INPP5A: variants seen among roughly 807,000 people sequenced by gnomAD.
INPP5A encodes the protein 43 kDa inositol polyphosphate 5-phophatase.
INPP5A carries 14 observed loss-of-function variants against 65.2 expected under a neutral mutation model. The ratio of observed to expected loss-of-function variants is 0.21; its 90% CI spans 0.14 to 0.34. The LOEUF is 0.34. Among genes scored for constraint, INPP5A ranks in the 10% least tolerant of loss-of-function variants. INPP5A has a pLI of 1.00. For missense variants in INPP5A, 431 were observed against 545.6 expected (o/e 0.79, Z 2.09); for synonymous variants, 207 against 208.3 (o/e 0.99, Z 0.05).
intron 8 of INPP5A, among the ~76,000 whole-genome samples, chr10:132,714,387 T>A (rs1845703434): frequency 6.6e-6 from 1 of 152,226 alleles, no homozygotes; most frequent in Non-Finnish European, 1.5e-5. Flanking sequence ...GACCACATTC[T>A]GCTGTGCGGA....
At chr10:132,569,926 A>G (rs1176389795) in intron 1 of INPP5A, among the ~76,000 whole-genome samples, 2 of 146,742 alleles carry the variant, frequency 1.4e-5, no homozygotes, top group Non-Finnish European at 3.0e-5. Flanking sequence ...TGCTGGGATT[A>G]CAGGTGTGAG....
chr10:132,572,957 G>T (rs576055844), intron 1 of INPP5A, among the ~76,000 whole-genome samples: 1 of 152,102 alleles, frequency 6.6e-6, no homozygotes, highest in Admixed American at 6.5e-5. Flanking sequence ...TTGTTGAGAT[G>T]TTGGGGTGTA....
At chr10:132,779,472 G>A (rs1249587197) in intron 13 of INPP5A, among the ~76,000 whole-genome samples, 1 of 152,286 alleles carries the variant, frequency 6.6e-6, no homozygotes, top group Non-Finnish European at 1.5e-5. Context: ...TGGCAGGGCT[G>A]TGGCCTCCCC....
chr10:132,571,718 C>T (rs989013318), intron 1 of INPP5A, among the ~76,000 whole-genome samples: 3 of 152,208 alleles, frequency 2.0e-5, no homozygotes. Flanking sequence ...GCTGTAAGGA[C>T]CTCGAGTGTC....
intron 1 of INPP5A, among the ~76,000 whole-genome samples, chr10:132,542,417 G>T (rs1478961730): frequency 6.6e-6 from 1 of 151,948 alleles, no homozygotes; most frequent in Non-Finnish European, 1.5e-5. Context: ...GGTCAGTGGT[G>T]CAGGCTGGCG....
intron 1 of INPP5A, among the ~76,000 whole-genome samples, chr10:132,553,681 T>G (rs1007515256): frequency 7.1e-6 from 1 of 141,468 alleles, no homozygotes; most frequent in African/African-American, 2.7e-5. Context: ...GAATGCCTTC[T>G]CAGAGCCTTG....
chr10:132,636,886 G>T (rs748108599), intron 2 of INPP5A, among the ~76,000 whole-genome samples: 1 of 152,114 alleles, frequency 6.6e-6, no homozygotes, highest in Non-Finnish European at 1.5e-5. Flanking sequence ...GAAGAGACTG[G>T]TGCTGGTCCG....
rs969172199 is a variant in INPP5A at position 132,637,439 on chromosome 10, C to T, written c.118-8429C>T. Among the ~76,000 whole-genome samples, 2 of 152,066 alleles carry T rather than the reference C, an allele frequency of 1.3e-5. No individual in the cohort carries two copies. Among genetic ancestry groups the T allele is most frequent in the African/African-American group, 4.8e-5 (2 of 41,392 alleles). On this transcript the variant is annotated intron_variant, in intron 2 of 15. Coordinates refer to ENST00000368594, the MANE Select transcript of INPP5A (RefSeq NM_005539.5). The surrounding 1 kb of genome is among the most constrained non-coding windows in gnomAD (Gnocchi z 4.1). ...GGGTCTTTTTCTGTTTTGAAGTTTTCCTGGGTTATAGTTTTAAATGTTAGG... is the reference window on the plus strand; with the variant it reads ...GGGTCTTTTTCTGTTTTGAAGTTTTTCTGGGTTATAGTTTTAAATGTTAGG...
Position 132,742,473 on chromosome 10 carries a change from C to G in INPP5A, c.733-7044C>G, listed in dbSNP as rs533205488. Among the ~76,000 whole-genome samples, 6 of 152,314 alleles carry G rather than the reference C, an allele frequency of 3.9e-5. No homozygotes were observed. In the East Asian group the frequency reaches 7.7e-4, roughly 20 times the overall value. On this transcript the variant is annotated intron_variant, in intron 9 of 15. Transcript: ENST00000368594. ...TGAGCGAGAGGGCCACCCCCAGCTT[C>G]ACTCGCTGGCCGTTGGTCTCAGGTC...
chr10:132,726,333 C>T (rs1008497837), intron 8 of INPP5A, among the ~76,000 whole-genome samples: 2 of 152,230 alleles, frequency 1.3e-5, no homozygotes, highest in Non-Finnish European at 2.9e-5. Context: ...CGGTTCCTGC[C>T]GGTTCACCTG....
In INPP5A at chr10:132,549,739, C is replaced by G. The variant is rs955115242; in HGVS notation, c.75+11568C>G. ...CTCTGTGACACAGGTCGGGGCCACC[C>G]AGCCCAGCCTGGGTTCCTGCAGCCC... On this transcript the variant is annotated intron_variant, in intron 1 of 15. Transcript: ENST00000368594. This position sits in a 1 kb window ranked among gnomAD's most constrained non-coding sequence, Gnocchi z 4.9. Among the ~76,000 whole-genome samples the G allele has an allele frequency of 6.6e-6, 1 of 152,170 alleles. No individual in the cohort carries two copies. Among genetic ancestry groups the G allele is most frequent in the Non-Finnish European group, 1.5e-5 (1 of 68,036 alleles).
chr10:132,617,999 T>C lies in INPP5A; in HGVS notation c.117+10043T>C, dbSNP rs144509066. On this transcript the variant is annotated intron_variant, in intron 2 of 15. Coordinates refer to ENST00000368594, the MANE Select transcript of INPP5A (RefSeq NM_005539.5). ...GCTTCAGAATATTTTATGATATAGT[T>C]AGGCCTTAATTTTTTAAAGTTGTTT... Among the ~76,000 whole-genome samples, 58 of 152,352 alleles carry C rather than the reference T, an allele frequency of 3.8e-4. 1 individual carries two copies. The highest frequency in any genetic ancestry group is 1.4e-3 in the African/African-American group (58 of 41,570).
chr10:132,680,503 T>C (rs190489835), intron 4 of INPP5A, among the ~76,000 whole-genome samples: 7 of 152,382 alleles, frequency 4.6e-5, no homozygotes, highest in Admixed American at 1.3e-4. Context: ...GTGCTGGCAG[T>C]CCTCACAGCC....
chr10:132,585,699 A>G (rs1445081855), intron 1 of INPP5A, among the ~76,000 whole-genome samples: 2 of 152,242 alleles, frequency 1.3e-5, no homozygotes, highest in African/African-American at 4.8e-5. Flanking sequence ...GGAGCCTCAG[A>G]TACCACCATC....
chr10:132,723,724 G>T (rs1402860038), intron 8 of INPP5A, among the ~76,000 whole-genome samples: 2 of 152,088 alleles, frequency 1.3e-5, no homozygotes, highest in Non-Finnish European at 2.9e-5. Context: ...TTGTGGTCTC[G>T]CCTACACCTG....
chr10:132,625,868 G>T (rs1314647950), intron 2 of INPP5A, among the ~76,000 whole-genome samples: 1 of 150,672 alleles, frequency 6.6e-6, no homozygotes, highest in African/African-American at 2.5e-5. Context: ...GTGTGTGTGT[G>T]TGTGTGTGTT....
intron 1 of INPP5A, among the ~76,000 whole-genome samples, chr10:132,562,987 G>T (rs1418305782): frequency 6.6e-6 from 1 of 152,224 alleles, no homozygotes; most frequent in Non-Finnish European, 1.5e-5. Flanking sequence ...GAGGGCTTCA[G>T]GGAGGGTTGT....
At chr10:132,671,243 G>A (rs1277913391) in intron 4 of INPP5A, among the ~76,000 whole-genome samples, 3 of 152,114 alleles carry the variant, frequency 2.0e-5, no homozygotes, top group South Asian at 2.1e-4. Flanking sequence ...CCCTGGAGCC[G>A]TGGCCTCCCC....
rs1370211377 is a variant in INPP5A, at chr10:132,651,092, CA to C, written c.306+588del. Among the ~76,000 whole-genome samples, 1 of 152,292 alleles carries C rather than the reference CA, an allele frequency of 6.6e-6. No homozygotes were observed. Among genetic ancestry groups the C allele is most frequent in the East Asian group, 1.9e-4 (1 of 5,176 alleles). ...GGGTGGCCCTGGTGGACGTGGCAGCCACAGAGATACAGGCACCAGGTGTCTG... is the reference window on the plus strand; with the variant it reads ...GGGTGGCCCTGGTGGACGTGGCAGCCCAGAGATACAGGCACCAGGTGTCTG... On this transcript the variant is annotated intron_variant, in intron 4 of 15. Transcript: ENST00000368594. This position sits in a 1 kb window ranked among gnomAD's most constrained non-coding sequence, Gnocchi z 5.0.
Sources: gnomAD v4.1 joint callset for allele counts (sites outside exome capture counted in the v4.1 genomes callset) on GRCh38, gnomAD v4.1.1 for gene constraint, Gnocchi (gnomAD v3.1) non-coding constraint, MANE v1.5 for transcripts, NCBI Gene and HGNC (gene_info 2026-07-23, HGNC 2026-07-21) for gene names.